Variants in TMEM117 observed in about 807,000 individuals in gnomAD.
TMEM117 encodes the protein transmembrane protein 117.
In TMEM117, 27 loss-of-function variants were observed where a neutral mutation model predicts 52.4. That is an observed-to-expected ratio of 0.51 (90% CI 0.38 to 0.71). The LOEUF is 0.71. Ranked by LOEUF, TMEM117 falls within the 30% of genes least tolerant of loss-of-function variation. The pLI, the probability that TMEM117 is intolerant of heterozygous loss-of-function variation, is 0.00. For synonymous variants in TMEM117, 215 were observed against 206.3 expected, an observed-to-expected ratio of 1.04 and a Z score of -0.36; for missense variants, 556 against 630.5, an observed-to-expected ratio of 0.88 and a Z score of 1.26.
At position 43,992,627 on chromosome 12, in the gene TMEM117, T is replaced by A. The variant is rs566502196; in HGVS notation, c.410+48285T>A. Among the ~76,000 whole-genome samples, 15 of 152,314 alleles carry A rather than the reference T, an allele frequency of 9.8e-5. No individual in the cohort carries two copies. In the South Asian group the frequency reaches 3.1e-3, roughly 32 times the overall value. ...ATACCACATATGTCCTCTGACTTTG[T>A]GTCCAAATTCTGAAATAGACAGTGT... On this transcript the variant is annotated intron_variant, in intron 3 of 7. Transcript: ENST00000266534.
chr12:43,796,939 T>G, the TMEM117 span: 2 of 1,594,918 alleles, frequency 1.3e-6, no homozygotes, highest in Non-Finnish European at 1.7e-6. Flanking sequence ...AAAGAAAAAT[T>G]TAGCAAAAAC....
At chr12:44,204,856 A>G (rs943090718) in intron 4 of TMEM117, among the ~76,000 whole-genome samples, 3 of 152,208 alleles carry the variant, frequency 2.0e-5, no homozygotes, top group African/African-American at 2.4e-5. Flanking sequence ...CCATATGCAG[A>G]AGAATGGAAC....
chr12:44,282,219 G>A (rs549958202), intron 5 of TMEM117, among the ~76,000 whole-genome samples: 5 of 152,074 alleles, frequency 3.3e-5, no homozygotes, highest in East Asian at 3.9e-4. Context: ...TTTCTTCCCC[G>A]TCTCAGGTAT....
Position 44,388,867 on chromosome 12 carries a change from A to G in TMEM117, c.*195A>G, listed in dbSNP as rs1435900283. On this transcript the variant is annotated 3_prime_UTR_variant, in exon 8 of 8. Coordinates refer to ENST00000266534, the MANE Select transcript of TMEM117 (RefSeq NM_032256.3). ...ATTATAATACACGTGCCTACTGTAT[A>G]CTCAACAGTCCTCTAGAGATTGCTT... The G allele has an allele frequency of 1.6e-6, 1 of 620,524 alleles. No individual in the cohort carries two copies. The highest frequency in any genetic ancestry group is 2.7e-6 in the Non-Finnish European group (1 of 364,176). 38.4% of individuals were successfully genotyped at this position (620,524 alleles called of 1,614,324 possible). A position where few individuals can be genotyped will look rare whatever the true frequency, so the allele number is the denominator to read the frequency against.
intron 2 of TMEM117, among the ~76,000 whole-genome samples, chr12:43,941,207 A>G (rs1945039258): frequency 1.3e-5 from 2 of 152,212 alleles, no homozygotes; most frequent in South Asian, 2.1e-4. Context: ...GTTTTTGGCC[A>G]TGTCAGAAAT....
chr12:43,912,508 T>TATAC (rs1491261963), intron 2 of TMEM117, among the ~76,000 whole-genome samples: 768 of 3,184 alleles, frequency 0.24, 26 homozygotes, highest in Middle Eastern at 0.5. Flanking sequence ...AATAATAATT[T>TATAC]ATATATATAT....
At chr12:43,863,121 C>G (rs2137401788) in intron 2 of TMEM117, among the ~76,000 whole-genome samples, 1 of 152,142 alleles carries the variant, frequency 6.6e-6, no homozygotes, top group African/African-American at 2.4e-5. Context: ...TGGTGGGTGC[C>G]TGTAATCCCA....
At chr12:44,311,831 GTATATA>G (rs59496905) in intron 6 of TMEM117, among the ~76,000 whole-genome samples, 15 of 24,780 alleles carry the variant, frequency 6.1e-4, no homozygotes, top group East Asian at 0.014. Flanking sequence ...ATGTATATAT[GTATATA>G]TGTATATATA....
chr12:43,851,562 C>T (rs12230296), intron 2 of TMEM117, among the ~76,000 whole-genome samples: 5,688 of 151,946 alleles, frequency 0.037, 263 homozygotes, highest in African/African-American at 0.1. Context: ...ATTCTTATGC[C>T]TACAATTAGG....
chr12:43,844,943 C>G lies in TMEM117; in HGVS notation c.277+15C>G. The G allele has an allele frequency of 6.3e-7, 1 of 1,589,630 alleles. No individual in the cohort carries two copies. The highest frequency in any genetic ancestry group is 8.5e-7 in the Non-Finnish European group (1 of 1,172,610). On this transcript the variant is annotated intron_variant, in intron 2 of 7. Transcript: ENST00000266534. ...GCGTTTGTTTGGTAAGTACCATGAC[C>G]CATGAAATGTAATATCACTAATTAT... is the stretch of plus-strand genomic sequence containing the variant.
At chr12:44,115,020 A>G (rs1234006796) in intron 3 of TMEM117, among the ~76,000 whole-genome samples, 1 of 152,222 alleles carries the variant, frequency 6.6e-6, no homozygotes, top group African/African-American at 2.4e-5. Flanking sequence ...AATCATATAT[A>G]ATTTTTTATC....
intron 2 of TMEM117, among the ~76,000 whole-genome samples, chr12:43,888,219 TA>T (rs1400056608): frequency 6.6e-6 from 1 of 152,172 alleles, no homozygotes; most frequent in Non-Finnish European, 1.5e-5. Flanking sequence ...TTTCAAGGAT[TA>T]AAGAAAATAC....
intron 4 of TMEM117, among the ~76,000 whole-genome samples, chr12:44,191,034 A>G (rs560911383): frequency 7.9e-5 from 12 of 151,732 alleles, no homozygotes; most frequent in Non-Finnish European, 1.6e-4. Flanking sequence ...TTATAAAGAA[A>G]GAGGTTTAAT....
intron 3 of TMEM117, among the ~76,000 whole-genome samples, chr12:43,965,322 C>G (rs1945467051): frequency 6.6e-6 from 1 of 152,180 alleles, no homozygotes; most frequent in Non-Finnish European, 1.5e-5. Flanking sequence ...ATGCATTTCT[C>G]CTGATCTTGG....
chr12:44,245,592 T>G (rs900035808), intron 5 of TMEM117, among the ~76,000 whole-genome samples: 1 of 152,006 alleles, frequency 6.6e-6, no homozygotes, highest in Non-Finnish European at 1.5e-5. Flanking sequence ...CGTTTTTTTT[T>G]TTGTTGGAGT....
intron 3 of TMEM117, among the ~76,000 whole-genome samples, chr12:44,004,418 A>G (rs1175595823): frequency 6.6e-6 from 1 of 152,172 alleles, no homozygotes; most frequent in Non-Finnish European, 1.5e-5. Context: ...ATGGTATGCT[A>G]GCATCTATCC....
At chr12:44,273,485 A>T (rs1332190361) in intron 5 of TMEM117, among the ~76,000 whole-genome samples, 1 of 152,078 alleles carries the variant, frequency 6.6e-6, no homozygotes, top group East Asian at 1.9e-4. Flanking sequence ...TATTACCCTG[A>T]CACCAAAATC....
At chr12:44,098,380 T>C (rs1341119701) in intron 3 of TMEM117, among the ~76,000 whole-genome samples, 1 of 151,958 alleles carries the variant, frequency 6.6e-6, no homozygotes, top group Non-Finnish European at 1.5e-5. Flanking sequence ...GCAGGCATTT[T>C]TGCCTATTAT....
chr12:44,077,532 A>G (rs1947401343), intron 3 of TMEM117, among the ~76,000 whole-genome samples: 1 of 152,148 alleles, frequency 6.6e-6, no homozygotes, highest in Non-Finnish European at 1.5e-5. Context: ...GCCAAACATC[A>G]TGTAACATGT....
Sources: allele counts gnomAD v4.1 joint callset (sites outside exome capture counted in the v4.1 genomes callset), GRCh38; gene constraint gnomAD v4.1.1; transcripts MANE v1.5; gene names NCBI Gene and HGNC (gene_info 2026-07-23, HGNC 2026-07-21).